Variants in MIPOL1 observed in about 807,000 individuals in gnomAD.
MIPOL1 encodes the protein mirror-image polydactyly 1.
A neutral mutation model predicts 60.9 loss-of-function variants in MIPOL1; 57 were observed. The observed-to-expected ratio is 0.94, with a 90% CI of 0.76 to 1.17. MIPOL1 has a LOEUF of 1.17. Ranked by LOEUF, MIPOL1 falls within the 50% of genes most tolerant of loss-of-function variation. The pLI is 0.00. For synonymous variants in MIPOL1, 179 were observed against 168.8 expected (o/e 1.06, Z -0.47); for missense variants, 551 against 511.6 (o/e 1.08, Z -0.74).
intron 10 of MIPOL1, among the ~76,000 whole-genome samples, chr14:37,373,153 A>G (rs1019992873): frequency 1.3e-5 from 2 of 151,830 alleles, no homozygotes; most frequent in Non-Finnish European, 2.9e-5. Context: ...ACAGGCATGC[A>G]CCACCACGCT....
At chr14:37,524,093 T>C (rs1272085264) in intron 12 of MIPOL1, among the ~76,000 whole-genome samples, 2 of 152,244 alleles carry the variant, frequency 1.3e-5, no homozygotes, top group South Asian at 2.1e-4. Flanking sequence ...GGTTTTTATC[T>C]GTTATTTCCC....
intron 11 of MIPOL1, among the ~76,000 whole-genome samples, chr14:37,439,896 T>C (rs2094215421): frequency 6.6e-6 from 1 of 152,230 alleles, no homozygotes; most frequent in Non-Finnish European, 1.5e-5. Flanking sequence ...TCTTCCTCTG[T>C]TGCTCAGGCT....
intron 11 of MIPOL1, among the ~76,000 whole-genome samples, chr14:37,482,950 G>A (rs2094893112): frequency 6.6e-6 from 1 of 152,072 alleles, no homozygotes; most frequent in Non-Finnish European, 1.5e-5. Flanking sequence ...TGTGTAAAAT[G>A]TTGTAGTGTT....
chr14:37,218,958 G>C (rs1384557452), intron 1 of MIPOL1, among the ~76,000 whole-genome samples: 1 of 151,040 alleles, frequency 6.6e-6, no homozygotes, highest in African/African-American at 2.4e-5. Flanking sequence ...AAGAAAACCA[G>C]AGCTAGGTAA....
chr14:37,402,922 G>A (rs796479276), intron 10 of MIPOL1, among the ~76,000 whole-genome samples: 20 of 152,270 alleles, frequency 1.3e-4, no homozygotes, highest in African/African-American at 4.8e-4. Context: ...AGCCATGGCT[G>A]CTCTGCATGG....
chr14:37,197,994 A>G lies in MIPOL1; in HGVS notation c.-309A>G, dbSNP rs1964607229. On this transcript the variant is annotated 5_prime_UTR_variant, in exon 1 of 13. Transcript: ENST00000684589. ...ATCGTCTGTGGGTGAGTCTCGAGCC[A>G]GGAGGCTCTGAGCCAGTGGCGATTG... is the stretch of plus-strand genomic sequence containing the variant. 6.6e-6 allele frequency: 1 copy of G among 152,242 alleles called. No homozygotes were observed. Among genetic ancestry groups the G allele is most frequent in the African/African-American group, 2.4e-5 (1 of 41,444 alleles). The allele number at this position is 152,242 out of a possible 1,614,324, so 9.4% of individuals were successfully genotyped here.
At chr14:37,286,056 T>C (rs1338935969) in intron 7 of MIPOL1, among the ~76,000 whole-genome samples, 1 of 152,234 alleles carries the variant, frequency 6.6e-6, no homozygotes, top group Non-Finnish European at 1.5e-5. Context: ...CTTTTTATTA[T>C]CTCCTCTTCT....
chr14:37,426,502 A>C (rs1010651861), intron 11 of MIPOL1, among the ~76,000 whole-genome samples: 2 of 148,508 alleles, frequency 1.3e-5, no homozygotes, highest in African/African-American at 5.0e-5. Flanking sequence ...TGGAGGTTGC[A>C]GTGAGCCAAG....
chr14:37,368,452 T>C (rs1266706955), intron 9 of MIPOL1, among the ~76,000 whole-genome samples: 2 of 152,246 alleles, frequency 1.3e-5, no homozygotes, highest in East Asian at 3.9e-4. Context: ...TTTTGGATGA[T>C]AGCTGCGTCA....
At position 37,267,101 on chromosome 14, in the gene MIPOL1, A is replaced by G; in HGVS notation, c.183A>G (p.Ser61=). ...CENTEWPGQR[S]TNFQIISSYP... ...ACACAGAATGGCCAGGGCAGAGATC[A>G]ACGAATTTTCAGATCATCAGTTCTT... is the stretch of plus-strand genomic sequence containing the variant. Residue 61 remains serine, a synonymous_variant, in exon 4 of 13, where the codon TCA becomes TCG. Coordinates refer to ENST00000684589, the MANE Select transcript of MIPOL1 (RefSeq NM_001388067.1). 6.2e-7 allele frequency: 1 copy of G among 1,614,012 alleles called. No individual in the cohort carries two copies. The highest frequency in any genetic ancestry group is 8.5e-7 in the Non-Finnish European group (1 of 1,179,958).
At chr14:37,434,778 A>T (rs951290106) in intron 11 of MIPOL1, among the ~76,000 whole-genome samples, 1 of 151,244 alleles carries the variant, frequency 6.6e-6, no homozygotes, top group Non-Finnish European at 1.5e-5. Context: ...CACTGATTGG[A>T]TAAGGTCTAC....
At chr14:37,279,289 T>G (rs775045963) in intron 6 of MIPOL1, among the ~76,000 whole-genome samples, 12 of 150,348 alleles carry the variant, frequency 8.0e-5, no homozygotes, top group Non-Finnish European at 1.5e-4. Context: ...AGATTTTACA[T>G]TTAATAAAAA....
At position 37,547,013 on chromosome 14, in the gene MIPOL1, G is replaced by A. The variant is rs1219150094; in HGVS notation, c.*42G>A. 4 of 1,567,496 alleles carry A rather than the reference G, an allele frequency of 2.6e-6. No homozygotes were observed. The highest frequency in any genetic ancestry group is 1.3e-5 in the African/African-American group (1 of 74,208). ...GTCTGGGGAAGCGATCACATCTGGT[G>A]ACCAGGCTGCTTCATTCAACACTGT... On this transcript the variant is annotated 3_prime_UTR_variant, in exon 13 of 13. Coordinates refer to ENST00000684589, the MANE Select transcript of MIPOL1 (RefSeq NM_001388067.1).
chr14:37,496,052 T>C (rs959590610), intron 11 of MIPOL1, among the ~76,000 whole-genome samples: 14 of 151,916 alleles, frequency 9.2e-5, no homozygotes, highest in Non-Finnish European at 1.5e-4. Context: ...GAGTAGGTTG[T>C]GAAAATTTTA....
At chr14:37,302,703 A>G (rs181393278) in intron 7 of MIPOL1, among the ~76,000 whole-genome samples, 1 of 149,250 alleles carries the variant, frequency 6.7e-6, no homozygotes, top group East Asian at 2.0e-4. Context: ...TGTCATTTCT[A>G]CATTAAATTT....
chr14:37,302,344 A>G (rs896894209), intron 7 of MIPOL1, among the ~76,000 whole-genome samples: 6 of 134,888 alleles, frequency 4.4e-5, no homozygotes, highest in Non-Finnish European at 7.9e-5. Flanking sequence ...TTTTATTTGC[A>G]TTTCCCTGAT....
chr14:37,469,765 C>T (rs2094654265), intron 11 of MIPOL1, among the ~76,000 whole-genome samples: 2 of 152,014 alleles, frequency 1.3e-5, no homozygotes, highest in African/African-American at 4.8e-5. Context: ...GCAGTGCACT[C>T]CTAAAAAAAA....
intron 12 of MIPOL1, among the ~76,000 whole-genome samples, chr14:37,508,298 A>G (rs750616253): frequency 3.4e-4 from 52 of 152,236 alleles, no homozygotes; most frequent in South Asian, 3.1e-3. Flanking sequence ...TCCCTTCACA[A>G]TCAAATTTCT....
At chr14:37,223,853 T>C (rs772495131) in intron 1 of MIPOL1, among the ~76,000 whole-genome samples, 3 of 152,200 alleles carry the variant, frequency 2.0e-5, no homozygotes, top group Non-Finnish European at 2.9e-5. Context: ...AGGGCTGTCT[T>C]TGAAATTATG....
Sources: gnomAD v4.1 joint callset for allele counts (sites outside exome capture counted in the v4.1 genomes callset) on GRCh38, gnomAD v4.1.1 for gene constraint, MANE v1.5 for transcripts, NCBI Gene and HGNC (gene_info 2026-07-23, HGNC 2026-07-21) for gene names.